Variants in CNTN6 observed in about 807,000 individuals in gnomAD.
CNTN6 encodes contactin 6, also known as contactin-6.
CNTN6 carries 137 observed loss-of-function variants against 122.8 expected under a neutral mutation model. The observed-to-expected ratio is 1.12, with a 90% CI of 0.97 to 1.29. CNTN6 has a LOEUF of 1.29. Among genes scored for constraint, CNTN6 ranks in the 50% most tolerant of loss-of-function variants. The pLI, the probability that CNTN6 is intolerant of heterozygous loss-of-function variation, is 0.00. For synonymous variants in CNTN6, 570 were observed against 426.0 expected (o/e 1.34, Z -4.16); for missense variants, 1,634 against 1,223.4 (o/e 1.34, Z -5.01).
In CNTN6 at chr3:1,249,179, G is replaced by A. The variant is rs778281405; in HGVS notation, c.358+21186G>A. On this transcript the variant is annotated intron_variant, in intron 4 of 22. Transcript: ENST00000446702. Reference sequence around the variant, plus strand: ...GCATTACCATAGGGGTCAACACAAGGTGATAGAAGGAATAGCTCTATTATG... The same window carrying A: ...GCATTACCATAGGGGTCAACACAAGATGATAGAAGGAATAGCTCTATTATG... Among the ~76,000 whole-genome samples the A allele has an allele frequency of 3.9e-5, 6 of 152,226 alleles. No homozygotes were observed. The East Asian group carries it at 9.7e-4, about 25-fold the overall frequency.
At chr3:1,122,420 G>A (rs1003185138) in intron 1 of CNTN6, among the ~76,000 whole-genome samples, 4 of 134,856 alleles carry the variant, frequency 3.0e-5, no homozygotes, top group African/African-American at 1.2e-4. Flanking sequence ...AACCAGCGGT[G>A]ATTTAAAAAC....
intron 2 of CNTN6, among the ~76,000 whole-genome samples, chr3:1,179,942 C>T (rs549216603): frequency 5.3e-4 from 81 of 152,284 alleles, no homozygotes; most frequent in Non-Finnish European, 1.0e-3. Context: ...TGAGCAAATG[C>T]TAGCTTACCC....
At chr3:1,155,182 T>C (rs1379371590) in intron 2 of CNTN6, among the ~76,000 whole-genome samples, 1 of 152,204 alleles carries the variant, frequency 6.6e-6, no homozygotes, top group Non-Finnish European at 1.5e-5. Context: ...TATTTATACA[T>C]TGTTTACCAG....
chr3:1,383,304 G>A lies in CNTN6; in HGVS notation c.2413G>A (p.Ala805Thr), dbSNP rs1365069080. Residue 805 changes from alanine (A) to threonine (T), a missense_variant, in exon 19 of 23, where the codon GCC becomes ACC. Coordinates refer to ENST00000446702, the MANE Select transcript of CNTN6 (RefSeq NM_001289080.2). ...TCTCTGGATGGTAGAACCTCAACTGGCCCCAAGGGGAACTTCTCTCCAGAG... is the reference window on the plus strand; with the variant it reads ...TCTCTGGATGGTAGAACCTCAACTGACCCCAAGGGGAACTTCTCTCCAGAG... ...VYSGEDEPQLAPRGTSLQSFS... is the reference protein window; with the variant it reads ...VYSGEDEPQLTPRGTSLQSFS... 6.2e-7 allele frequency: 1 copy of A among 1,613,600 alleles called. No homozygotes were observed. The highest frequency in any genetic ancestry group is 1.3e-5 in the African/African-American group (1 of 74,896).
chr3:1,186,064 T>C (rs1270538361), intron 2 of CNTN6, among the ~76,000 whole-genome samples: 3 of 152,198 alleles, frequency 2.0e-5, no homozygotes, highest in Admixed American at 6.5e-5. Context: ...GAAGTGTTTA[T>C]TGTTTAATAT....
At chr3:1,258,761 C>G (rs1027207100) in intron 4 of CNTN6, among the ~76,000 whole-genome samples, 2 of 152,078 alleles carry the variant, frequency 1.3e-5, no homozygotes, top group Non-Finnish European at 2.9e-5. Flanking sequence ...TTTATCTGCT[C>G]CATGGGGACA....
At chr3:1,110,577 C>T (rs9873997) in intron 1 of CNTN6, among the ~76,000 whole-genome samples, 128,922 of 152,032 alleles carry the variant, frequency 0.85, 55,606 homozygotes, top group East Asian at 0.99. Flanking sequence ...CTTATACAGA[C>T]GAAGCTTGAA....
rs1237045524 is a variant in CNTN6 at position 1,245,243 on chromosome 3, C to CAT, written c.358+17251_358+17252insTA. On this transcript the variant is annotated intron_variant, in intron 4 of 22. Transcript: ENST00000446702. Reference sequence around the variant, plus strand: ...ATATATATATATATATATACACACACACATATATATATAACATATATATAT... The same window carrying CAT: ...ATATATATATATATATATACACACACATACATATATATATAACATATATATAT... Among the ~76,000 whole-genome samples, 6 of 10,902 alleles carry CAT rather than the reference C, an allele frequency of 5.5e-4. 1 individual carries two copies. The South Asian group carries it at 9.8e-3, about 18-fold the overall frequency. 7.2% of individuals were successfully genotyped at this position (10,902 alleles called of 152,430 possible).
In CNTN6 at chr3:1,392,803, A is replaced by G. The variant is rs1177424682; in HGVS notation, c.2704+7006A>G. 2.3e-3 allele frequency among the ~76,000 whole-genome samples: 326 copies of G among 139,172 alleles called. 3 individuals are homozygous for G. The highest frequency in any genetic ancestry group is 7.8e-3 in the African/African-American group (294 of 37,582). 91.3% of individuals were successfully genotyped at this position (139,172 alleles called of 152,430 possible). ...TTTATGCAGCCAAAAAACACATGAA[A>G]AAATGCTCATCATCACTGGCCATCA... On this transcript the variant is annotated intron_variant, in intron 20 of 22. Transcript: ENST00000446702.
In CNTN6 at chr3:1,401,416, T is replaced by C. The variant is rs767478372; in HGVS notation, c.2705-17T>C. On this transcript the variant is annotated splice_polypyrimidine_tract_variant and intron_variant, in intron 20 of 22. Transcript: ENST00000446702. Reference sequence around the variant, plus strand: ...GCTAATTAACATTCATTTGGATCTTTGATTATCTCTTTAAAGCTCCAAGCC... The same window carrying C: ...GCTAATTAACATTCATTTGGATCTTCGATTATCTCTTTAAAGCTCCAAGCC... The C allele has an allele frequency of 1.3e-6, 2 of 1,596,688 alleles. No homozygotes were observed. The highest frequency in any genetic ancestry group is 2.2e-5 in the East Asian group (1 of 44,700).
chr3:1,252,808 A>G (rs1293987218), intron 4 of CNTN6, among the ~76,000 whole-genome samples: 1 of 152,154 alleles, frequency 6.6e-6, no homozygotes, highest in Non-Finnish European at 1.5e-5. Flanking sequence ...TATGACCTAG[A>G]GAAACAGACA....
chr3:1,352,194 T>A, intron 11 of CNTN6, 130 bp from the exon 12 acceptor site: 1 of 744,784 alleles, frequency 1.3e-6, no homozygotes, highest in Non-Finnish European at 2.0e-6. Context: ...AACAGAATAA[T>A]AGGAAAGGAA....
At chr3:1,123,961 C>T (rs1366161849) in intron 1 of CNTN6, among the ~76,000 whole-genome samples, 3 of 151,926 alleles carry the variant, frequency 2.0e-5, no homozygotes, top group African/African-American at 4.8e-5. Flanking sequence ...TTTCTCTCCC[C>T]TTCATTCTAT....
intron 4 of CNTN6, among the ~76,000 whole-genome samples, chr3:1,262,205 G>A (rs1340925473): frequency 6.6e-6 from 1 of 152,112 alleles, no homozygotes; most frequent in African/African-American, 2.4e-5. Flanking sequence ...GTCACAAGAG[G>A]ACTTCATGGT....
At chr3:1,255,417 G>GA (rs34880392) in intron 4 of CNTN6, among the ~76,000 whole-genome samples, 7,638 of 127,540 alleles carry the variant, frequency 0.06, 500 homozygotes, top group African/African-American at 0.17. Flanking sequence ...TTTGAAAATG[G>GA]AAAAAAAAAA....
At chr3:1,292,695 T>G (rs927976739) in intron 5 of CNTN6, among the ~76,000 whole-genome samples, 2 of 152,148 alleles carry the variant, frequency 1.3e-5, no homozygotes, top group African/African-American at 2.4e-5. Flanking sequence ...TGCAGCTCAT[T>G]CTAGTGTTTA....
chr3:1,175,021 A>G (rs1232517375), intron 2 of CNTN6, among the ~76,000 whole-genome samples: 1 of 151,974 alleles, frequency 6.6e-6, no homozygotes, highest in East Asian at 1.9e-4. Flanking sequence ...TGATCTCTTG[A>G]ACCCAGGAGT....
intron 2 of CNTN6, among the ~76,000 whole-genome samples, chr3:1,218,614 G>A (rs1437638975): frequency 1.3e-5 from 2 of 152,152 alleles, no homozygotes; most frequent in African/African-American, 2.4e-5. Flanking sequence ...GTGAGCAAAT[G>A]CATAAATATG....
intron 2 of CNTN6, among the ~76,000 whole-genome samples, chr3:1,175,261 C>G (rs896363458): frequency 2.0e-5 from 3 of 147,316 alleles, no homozygotes; most frequent in African/African-American, 7.6e-5. Context: ...TCTTTAAGAG[C>G]ATGTAAAAGG....
Sources: allele counts gnomAD v4.1 joint callset (sites outside exome capture counted in the v4.1 genomes callset), GRCh38; gene constraint gnomAD v4.1.1; transcripts MANE v1.5; gene names NCBI Gene and HGNC (gene_info 2026-07-23, HGNC 2026-07-21).